The following MACROD2 variants were observed in gnomAD, a reference collection of about 807,000 sequenced individuals.
MACROD2 encodes mono-ADP ribosylhydrolase 2.
A neutral mutation model predicts 70.4 loss-of-function variants in MACROD2; 36 were observed. The ratio of observed to expected loss-of-function variants is 0.51; its 90% CI spans 0.39 to 0.68. The LOEUF (loss-of-function observed/expected upper bound fraction) is 0.68. MACROD2 is among the 30% of genes least tolerant of loss of function. The pLI is 0.00. For missense variants in MACROD2, 496 were observed against 538.4 expected (o/e 0.92, Z 0.78); for synonymous variants, 172 against 178.8 (o/e 0.96, Z 0.30).
chr20:14,003,290 A>T (rs916860932), intron 2 of MACROD2, among the ~76,000 whole-genome samples: 4 of 152,172 alleles, frequency 2.6e-5, no homozygotes, highest in African/African-American at 9.6e-5. Context: ...CTGTGAAGAG[A>T]ACACATTGAC....
chr20:14,188,017 G>A (rs960578207), intron 3 of MACROD2, among the ~76,000 whole-genome samples: 11 of 152,098 alleles, frequency 7.2e-5, no homozygotes, highest in Non-Finnish European at 1.3e-4. Context: ...TCAAGTGACT[G>A]AATTTGGTAG....
intron 8 of MACROD2, among the ~76,000 whole-genome samples, chr20:15,804,542 A>G (rs992056069): frequency 1.3e-5 from 2 of 152,202 alleles, no homozygotes; most frequent in African/African-American, 2.4e-5. Context: ...GCCTTATGCC[A>G]TGGTAATAAA....
chr20:15,767,217 C>G (rs911350581), intron 8 of MACROD2, among the ~76,000 whole-genome samples: 3 of 152,214 alleles, frequency 2.0e-5, no homozygotes, highest in African/African-American at 4.8e-5. Flanking sequence ...CGGTTTTCCT[C>G]AAAAACTTGT....
At chr20:14,731,739 A>C (rs1005391671) in intron 5 of MACROD2, among the ~76,000 whole-genome samples, 6 of 151,708 alleles carry the variant, frequency 4.0e-5, no homozygotes, top group Non-Finnish European at 7.4e-5. Flanking sequence ...GCCTTTTTTC[A>C]CTCTCTTTCT....
chr20:15,585,632 G>A (rs2048588974), intron 8 of MACROD2, among the ~76,000 whole-genome samples: 1 of 152,116 alleles, frequency 6.6e-6, no homozygotes, highest in Non-Finnish European at 1.5e-5. Flanking sequence ...CCCAGGGATG[G>A]GATCATTCTG....
At chr20:15,012,909 A>G (rs1417748525) in intron 5 of MACROD2, among the ~76,000 whole-genome samples, 1 of 152,156 alleles carries the variant, frequency 6.6e-6, no homozygotes, top group Non-Finnish European at 1.5e-5. Context: ...GTATGCCTGC[A>G]AGTTGAGCAG....
At chr20:15,601,104 C>A (rs2048813471) in intron 8 of MACROD2, among the ~76,000 whole-genome samples, 1 of 152,194 alleles carries the variant, frequency 6.6e-6, no homozygotes, top group Non-Finnish European at 1.5e-5. Context: ...GGATTCAACA[C>A]AGGAAGGTAA....
chr20:14,831,521 G>A (rs2122236439), intron 5 of MACROD2, among the ~76,000 whole-genome samples: 1 of 151,944 alleles, frequency 6.6e-6, no homozygotes, highest in Middle Eastern at 3.4e-3. Context: ...GCTCAGACCT[G>A]TAATCCCAGC....
intron 5 of MACROD2, among the ~76,000 whole-genome samples, chr20:14,831,891 G>A (rs529351503): frequency 6.7e-6 from 1 of 150,136 alleles, no homozygotes; most frequent in East Asian, 2.0e-4. Flanking sequence ...TTGCTGTTGT[G>A]TAAGCTTCAC....
chr20:15,861,770 A>T (rs909782302), intron 8 of MACROD2, among the ~76,000 whole-genome samples: 1 of 152,164 alleles, frequency 6.6e-6, no homozygotes, highest in African/African-American at 2.4e-5. Context: ...ACAGGTTTGG[A>T]GAGCAGGGAG....
intron 5 of MACROD2, among the ~76,000 whole-genome samples, chr20:14,724,855 A>G (rs977056570): frequency 2.0e-5 from 3 of 152,186 alleles, no homozygotes; most frequent in Admixed American, 6.5e-5. Context: ...GGTTGTGAGG[A>G]GGAAGCACCA....
intron 5 of MACROD2, among the ~76,000 whole-genome samples, chr20:14,959,537 C>T (rs972158712): frequency 6.6e-6 from 1 of 151,880 alleles, no homozygotes; most frequent in African/African-American, 2.4e-5. Context: ...TACAAGCAAA[C>T]CAACCAACAA....
intron 7 of MACROD2, among the ~76,000 whole-genome samples, chr20:15,480,141 A>G (rs1469313129): frequency 6.6e-6 from 1 of 152,212 alleles, no homozygotes; most frequent in Non-Finnish European, 1.5e-5. Flanking sequence ...TGTCTAGTGC[A>G]TATTCATGGA....
At chr20:14,754,695 A>G (rs983238536) in intron 5 of MACROD2, among the ~76,000 whole-genome samples, 1 of 152,086 alleles carries the variant, frequency 6.6e-6, no homozygotes, top group African/African-American at 2.4e-5. Flanking sequence ...AAACATTTTG[A>G]AAAATATTTT....
chr20:14,678,324 G>C (rs889746447), intron 4 of MACROD2, among the ~76,000 whole-genome samples: 1 of 152,134 alleles, frequency 6.6e-6, no homozygotes, highest in Non-Finnish European at 1.5e-5. Flanking sequence ...AAGAGTGTTT[G>C]GGAAGTACTG....
chr20:15,799,556 T>C (rs2063705289), intron 8 of MACROD2, among the ~76,000 whole-genome samples: 1 of 152,254 alleles, frequency 6.6e-6, no homozygotes, highest in Non-Finnish European at 1.5e-5. Context: ...TGTCTTTTTG[T>C]GTCTGGGCGA....
intron 3 of MACROD2, among the ~76,000 whole-genome samples, chr20:14,230,631 T>TTATATATATATATATATATATATA (rs71190119): frequency 3.2e-5 from 3 of 94,262 alleles, no homozygotes; most frequent in African/African-American, 1.7e-4. Flanking sequence ...TCATTCATGT[T>TTATATATATATATATATATATATA]TATATATATA....
intron 15 of MACROD2, among the ~76,000 whole-genome samples, chr20:16,032,618 G>T (rs2067166744): frequency 6.7e-6 from 1 of 150,088 alleles, no homozygotes; most frequent in Non-Finnish European, 1.5e-5. Context: ...GGGAAGGAGG[G>T]ACAAAAAGAA....
intron 5 of MACROD2, among the ~76,000 whole-genome samples, chr20:15,109,495 G>A (rs972783679): frequency 6.6e-6 from 1 of 152,138 alleles, no homozygotes; most frequent in Admixed American, 6.5e-5. Context: ...AGAGATGGCA[G>A]GGCTCCTCCA....
Sources: gnomAD v4.1 joint callset for allele counts (sites outside exome capture counted in the v4.1 genomes callset) on GRCh38, gnomAD v4.1.1 for gene constraint, MANE v1.5 for transcripts, NCBI Gene and HGNC (gene_info 2026-07-23, HGNC 2026-07-21) for gene names.